The following PLOD2 variants were observed in gnomAD, a reference collection of about 807,000 sequenced individuals.
PLOD2 encodes procollagen-lysine,2-oxoglutarate 5-dioxygenase 2.
Under a neutral mutation model 101.0 loss-of-function variants are expected in PLOD2, and 65 were observed. The ratio of observed to expected loss-of-function variants is 0.64; its 90% CI spans 0.53 to 0.79. The LOEUF is 0.79. Ranked by LOEUF, PLOD2 falls within the 30% of genes least tolerant of loss-of-function variation. The pLI is 0.00. For synonymous variants in PLOD2, 314 were observed against 302.9 expected, an observed-to-expected ratio of 1.04 and a Z score of -0.38; for missense variants, 909 against 914.6, an observed-to-expected ratio of 0.99 and a Z score of 0.08.
chr3:146,114,685 A>G (rs1393703322), intron 3 of PLOD2, among the ~76,000 whole-genome samples: 1 of 152,204 alleles, frequency 6.6e-6, no homozygotes, highest in African/African-American at 2.4e-5. Context: ...TTTGGTACGA[A>G]GAGTGGGGAA....
chr3:146,136,144 C>T (rs1430046480), intron 1 of PLOD2, among the ~76,000 whole-genome samples: 1 of 152,152 alleles, frequency 6.6e-6, no homozygotes, highest in Non-Finnish European at 1.5e-5. Flanking sequence ...GTTTCTCACA[C>T]TTCAGAAATG....
intron 1 of PLOD2, among the ~76,000 whole-genome samples, chr3:146,145,569 C>G (rs1029746218): frequency 2.0e-5 from 3 of 152,014 alleles, no homozygotes; most frequent in African/African-American, 7.2e-5. Flanking sequence ...GTTACTGTTA[C>G]GAGCAAAGAA....
chr3:146,074,997 A>G (rs1272361195), intron 15 of PLOD2, among the ~76,000 whole-genome samples: 5 of 151,740 alleles, frequency 3.3e-5, no homozygotes, highest in African/African-American at 1.2e-4. Context: ...TCTACAATTC[A>G]GGATATAATT....
intron 2 of PLOD2, 33 bp downstream of exon 2, chr3:146,124,105 T>A (rs190153170): frequency 9.3e-7 from 1 of 1,078,734 alleles, no homozygotes. Flanking sequence ...GCACACATTA[T>A]AGGATCTTCA....
Position 146,101,465 on chromosome 3 carries a change from A to G in PLOD2, c.777+1290T>C, listed in dbSNP as rs190686688. On this transcript the variant is annotated intron_variant, in intron 7 of 19. Coordinates refer to ENST00000282903, the MANE Select transcript of PLOD2 (RefSeq NM_182943.3). ...GAGCATCGTGGAAGCAAAGGGAAGG[A>G]GCATTCAAGTAGGACCAAACGAAAT... 2.4e-3 allele frequency among the ~76,000 whole-genome samples: 360 copies of G among 152,332 alleles called. 2 individuals are homozygous for G. Among genetic ancestry groups the G allele is most frequent in the African/African-American group, 8.3e-3 (345 of 41,576 alleles).
chr3:146,141,375 T>C (rs1195423459), intron 1 of PLOD2, among the ~76,000 whole-genome samples: 1 of 152,068 alleles, frequency 6.6e-6, no homozygotes, highest in Non-Finnish European at 1.5e-5. Flanking sequence ...GAAGTTCTCG[T>C]TTTTATTGAA....
chr3:146,072,202 T>C (rs912798755), intron 17 of PLOD2, among the ~76,000 whole-genome samples: 1 of 151,724 alleles, frequency 6.6e-6, no homozygotes, highest in African/African-American at 2.4e-5. Flanking sequence ...CTTAGAATTT[T>C]CACCACAGCT....
chr3:146,083,624 C>A (rs575070012), intron 11 of PLOD2, among the ~76,000 whole-genome samples: 2 of 148,090 alleles, frequency 1.4e-5, no homozygotes, highest in African/African-American at 5.0e-5. Flanking sequence ...CTGTGTCGCC[C>A]AGGCTAGAGT....
chr3:146,107,150 A>G (rs1375733151), intron 4 of PLOD2, among the ~76,000 whole-genome samples: 1 of 152,258 alleles, frequency 6.6e-6, no homozygotes, highest in Admixed American at 6.5e-5. Flanking sequence ...CAAACATCCC[A>G]AAGAAATTTT....
At chr3:146,157,950 G>C (rs1366316669) in intron 1 of PLOD2, among the ~76,000 whole-genome samples, 1 of 152,162 alleles carries the variant, frequency 6.6e-6, no homozygotes, top group East Asian at 1.9e-4. Context: ...CAGTAAATTA[G>C]AGAGTTTATA....
Position 146,099,880 on chromosome 3 carries a change from C to CTTTTT in PLOD2, c.777+2870_777+2874dup, listed in dbSNP as rs5853264. Among the ~76,000 whole-genome samples the CTTTTT allele has an allele frequency of 3.1e-5, 4 of 129,280 alleles. 1 individual carries two copies. The highest frequency in any genetic ancestry group is 8.7e-5 in the African/African-American group (3 of 34,348). The allele number at this position is 129,280 out of a possible 152,430, so 84.8% of individuals were successfully genotyped here. On this transcript the variant is annotated intron_variant, in intron 7 of 19. Coordinates refer to ENST00000282903, the MANE Select transcript of PLOD2 (RefSeq NM_182943.3). ...GCCTAGGGAAAGTTACAGTGACCAA[C>CTTTTT]TTTTTTTTTTTTTTTTTTTGAGACA... is the stretch of plus-strand genomic sequence containing the variant.
intron 1 of PLOD2, among the ~76,000 whole-genome samples, chr3:146,158,885 A>ACTC: frequency 6.6e-6 from 1 of 152,238 alleles, no homozygotes; most frequent in Admixed American, 6.5e-5. Context: ...GATGATAAGC[A>ACTC]CTCTTCTTAA....
chr3:146,157,019 G>A (rs1027113881), intron 1 of PLOD2, among the ~76,000 whole-genome samples: 1 of 152,188 alleles, frequency 6.6e-6, no homozygotes, highest in Non-Finnish European at 1.5e-5. Flanking sequence ...GTGGAGAAGG[G>A]TTGCCAAACA....
intron 1 of PLOD2, among the ~76,000 whole-genome samples, chr3:146,141,015 C>T (rs2031496465): frequency 6.6e-6 from 1 of 151,870 alleles, no homozygotes; most frequent in African/African-American, 2.4e-5. Flanking sequence ...TTTACTGCCC[C>T]CTAATAAGTT....
intron 1 of PLOD2, among the ~76,000 whole-genome samples, chr3:146,130,210 C>A (rs1456495227): frequency 3.3e-5 from 5 of 152,088 alleles, no homozygotes; most frequent in African/African-American, 9.7e-5. Context: ...ATCTAATATT[C>A]CTCCCTGACA....
At chr3:146,152,387 T>C (rs897677396) in intron 1 of PLOD2, among the ~76,000 whole-genome samples, 3 of 151,168 alleles carry the variant, frequency 2.0e-5, no homozygotes, top group African/African-American at 7.3e-5. Context: ...ACCACTCCAC[T>C]CCAGTCTGGA....
intron 1 of PLOD2, among the ~76,000 whole-genome samples, chr3:146,131,615 CT>C (rs2030916355): frequency 6.6e-6 from 1 of 152,200 alleles, no homozygotes; most frequent in Non-Finnish European, 1.5e-5. Context: ...GCAAAGCCCA[CT>C]TCTTTCATGA....
At chr3:146,148,899 A>G (rs1006833908) in intron 1 of PLOD2, among the ~76,000 whole-genome samples, 1 of 152,220 alleles carries the variant, frequency 6.6e-6, no homozygotes, top group Non-Finnish European at 1.5e-5. Context: ...TGAAAGTCAT[A>G]GCATGCAAAG....
chr3:146,099,877 C>T (rs1937325915), intron 7 of PLOD2, among the ~76,000 whole-genome samples: 1 of 132,666 alleles, frequency 7.5e-6, no homozygotes, highest in South Asian at 2.5e-4. Context: ...TTACAGTGAC[C>T]AACTTTTTTT....
Sources: allele counts gnomAD v4.1 joint callset (sites outside exome capture counted in the v4.1 genomes callset), GRCh38; gene constraint gnomAD v4.1.1; transcripts MANE v1.5; gene names NCBI Gene and HGNC (gene_info 2026-07-23, HGNC 2026-07-21).